MBD1: variants seen among roughly 807,000 people sequenced by gnomAD.
MBD1 encodes methyl-CpG binding domain protein 1.
A neutral mutation model predicts 82.6 loss-of-function variants in MBD1; 25 were observed. The ratio of observed to expected loss-of-function variants is 0.30; its 90% CI spans 0.22 to 0.42. The LOEUF (loss-of-function observed/expected upper bound fraction) is 0.42, where lower values mean the gene tolerates loss of function less well. Among genes scored for constraint, MBD1 ranks in the 10% least tolerant of loss-of-function variants. The pLI is 1.00. For synonymous variants in MBD1, 301 were observed against 303.7 expected, an observed-to-expected ratio of 0.99 and a Z score of 0.09; for missense variants, 627 against 819.6, an observed-to-expected ratio of 0.76 and a Z score of 2.87.
intron 2 of MBD1, among the ~76,000 whole-genome samples, chr18:50,278,704 G>A (rs769535362): frequency 1.3e-5 from 2 of 152,180 alleles, no homozygotes; most frequent in Non-Finnish European, 2.9e-5. Flanking sequence ...ACTCTCATTA[G>A]TTATGGTAGT....
intron 1 of MBD1, 44 bp downstream of exon 1, chr18:50,281,319 C>T: frequency 2.4e-6 from 3 of 1,231,560 alleles, no homozygotes; most frequent in Middle Eastern, 3.7e-4. Flanking sequence ...CCTTCCCATC[C>T]TCCGCCTGAG....
downstream of MBD1, chr18:50,267,250 C>A (rs2034035357): frequency 7.9e-6 from 2 of 253,074 alleles, no homozygotes; most frequent in Non-Finnish European, 1.6e-5. Flanking sequence ...AAATATCTTA[C>A]AGGGTTGATA....
At chr18:50,270,041 A>G in intron 16 of MBD1, 2 of 1,598,066 alleles carry the variant, frequency 1.3e-6, no homozygotes, top group Non-Finnish European at 1.7e-6. Flanking sequence ...TTTCATATAG[A>G]TCATTGTCAA....
chr18:50,268,738 G>T (rs1449785992), downstream of MBD1: 2 of 224,140 alleles, frequency 8.9e-6, no homozygotes, highest in Admixed American at 1.3e-4. Flanking sequence ...AGGGTCCTTG[G>T]AAAGAAGTGA....
rs775716951 is a variant in MBD1 at position 50,275,886 on chromosome 18, C to T, written c.612G>A (p.Ser204=). Residue 204 remains serine, a synonymous_variant, in exon 7 of 17, where the codon TCG becomes TCA. Coordinates refer to ENST00000269468, the MANE Select transcript of MBD1 (RefSeq NM_015846.4). ...TCCGTTCACACTTGCAGAACAGCCC[C>T]GATGCCACATCATGGGGCAGCTGCA... The part of the protein sequence containing the change: ...CLLQLPHDVA[S]GLFCKCERRR... 12 of 1,614,182 alleles carry T rather than the reference C, an allele frequency of 7.4e-6. No individual in the cohort carries two copies. Among genetic ancestry groups the T allele is most frequent in the East Asian group, 2.2e-5 (1 of 44,882 alleles).
chr18:50,279,842 C>A (rs2039524573), intron 2 of MBD1, 41 bp downstream of exon 2: 4 of 1,613,132 alleles, frequency 2.5e-6, no homozygotes, highest in South Asian at 1.1e-5. Context: ...CAGAATCAGG[C>A]TCTACCCCAC....
At chr18:50,272,613 A>AC in intron 15 of MBD1, 64 bp downstream of exon 15, 3 of 1,586,774 alleles carry the variant, frequency 1.9e-6, no homozygotes, top group Non-Finnish European at 2.6e-6. Context: ...TATACTTTCA[A>AC]AACTCAGGGC....
At chr18:50,279,755 A>G in intron 2 of MBD1, 128 bp downstream of exon 2, 1 of 1,263,592 alleles carries the variant, frequency 7.9e-7, no homozygotes, top group South Asian at 1.3e-5. Flanking sequence ...TCAAACATAA[A>G]ATCCGCTAAT....
intron 16 of MBD1, chr18:50,271,239 C>T: frequency 7.2e-7 from 1 of 1,389,338 alleles, no homozygotes; most frequent in Non-Finnish European, 9.3e-7. Flanking sequence ...AATCCAACTT[C>T]TTATACTCAG....
chr18:50,275,736 CG>C lies in MBD1; in HGVS notation c.664-9del, dbSNP rs536452089. 1.9e-6 allele frequency: 3 copies of C among 1,613,984 alleles called. No homozygotes were observed. Among genetic ancestry groups the C allele is most frequent in the Non-Finnish European group, 2.5e-6 (3 of 1,180,002 alleles). On this transcript the variant is annotated splice_polypyrimidine_tract_variant and intron_variant, in intron 7 of 16. Transcript: ENST00000269468. ...TACTCCACACCCTCGGCTCTGTTGG[CG>C]GGGGGCAGGTGGGAGCAGAGGCATG...
intron 6 of MBD1, 164 bp from the exon 7 acceptor site, chr18:50,276,145 T>A: frequency 2.2e-6 from 2 of 924,642 alleles, no homozygotes; most frequent in Non-Finnish European, 3.4e-6. Flanking sequence ...CTGAGGCCAT[T>A]AGTATGTCTA....
At position 50,275,644 on chromosome 18, in the gene MBD1, C is replaced by A. The variant is rs1366420659; in HGVS notation, c.748G>T (p.Gly250Cys). 6.2e-7 allele frequency: 1 copy of A among 1,614,082 alleles called. No homozygotes were observed. The highest frequency in any genetic ancestry group is 1.7e-5 in the Admixed American group (1 of 60,008). ...CPICLRPPRP[G>C]LRRQWKCVQR... ...ACACATTTCCACTGGCGCCTGAGAC[C>A]AGGGCGGGGAGGGCGAAGGCAGATG... The change falls in exon 8 of 17, where the codon GGT (glycine) becomes TGT (cysteine). Residue 250 changes from glycine to cysteine, a missense_variant. Gly to Cys is a radical substitution (Grantham distance 159, BLOSUM62 -3). Coordinates refer to ENST00000269468, the MANE Select transcript of MBD1 (RefSeq NM_015846.4).
chr18:50,275,649 C>T lies in MBD1; in HGVS notation c.743G>A (p.Arg248His), dbSNP rs376154307. The T allele has an allele frequency of 4.4e-5, 71 of 1,614,032 alleles. 1 individual carries two copies. Among genetic ancestry groups the T allele is most frequent in the Non-Finnish European group, 5.2e-5 (61 of 1,180,032 alleles). ...TTTCCACTGGCGCCTGAGACCAGGG[C>T]GGGGAGGGCGAAGGCAGATGGGGCA... ...GHCPICLRPP[R>H]PGLRRQWKCV... The change falls in exon 8 of 17, where the codon CGC becomes CAC. Residue 248 changes from arginine to histidine, a missense_variant. This residue lies in a region of MBD1 where 228 missense variants were observed against 318.1 expected (regional missense o/e 0.72). Coordinates refer to ENST00000269468, the MANE Select transcript of MBD1 (RefSeq NM_015846.4).
intron 13 of MBD1, 43 bp from the exon 14 acceptor site, chr18:50,272,998 TCA>T: frequency 6.2e-7 from 1 of 1,613,114 alleles, no homozygotes. Flanking sequence ...AGGGCAGAGT[TCA>T]CCTGAGGAAA....
rs1568171678 is a variant in MBD1, at chr18:50,269,114, CT to C, written c.*736del. 1.7e-5 allele frequency: 17 copies of C among 1,027,226 alleles called. No individual in the cohort carries two copies. Among genetic ancestry groups the C allele is most frequent in the Non-Finnish European group, 1.9e-5 (16 of 855,006 alleles). 63.6% of individuals were successfully genotyped at this position (1,027,226 alleles called of 1,614,324 possible). Reference sequence around the variant, plus strand: ...TGTATCCTAGTATTAAGTACAGTGCCTACCACAGGCCAGGTTCTCAATACTT... The same window carrying C: ...TGTATCCTAGTATTAAGTACAGTGCCACCACAGGCCAGGTTCTCAATACTT... On this transcript the variant is annotated 3_prime_UTR_variant, in exon 17 of 17. Coordinates refer to ENST00000269468, the MANE Select transcript of MBD1 (RefSeq NM_015846.4).
rs979211631 is a variant in MBD1 at position 50,269,073 on chromosome 18, G to A, written c.*778C>T. ...TGCATTTAATAAAATTGCATGGGCC[G>A]TATCTTTTGCATTTCTGTATCCTAG... On this transcript the variant is annotated 3_prime_UTR_variant, in exon 17 of 17. Coordinates refer to ENST00000269468, the MANE Select transcript of MBD1 (RefSeq NM_015846.4). 23 of 986,926 alleles carry A rather than the reference G, an allele frequency of 2.3e-5. No homozygotes were observed. Among genetic ancestry groups the A allele is most frequent in the African/African-American group, 1.0e-4 (6 of 57,316 alleles). The allele number at this position is 986,926 out of a possible 1,614,324, so 61.1% of individuals were successfully genotyped here.
chr18:50,280,978 T>C (rs2040024108), intron 1 of MBD1, among the ~76,000 whole-genome samples: 1 of 151,876 alleles, frequency 6.6e-6, no homozygotes, highest in South Asian at 2.1e-4. Context: ...GGGCCTCCTA[T>C]TCCTCCCTTT....
chr18:50,270,785 A>G (rs2035187865), intron 16 of MBD1: 1 of 177,248 alleles, frequency 5.6e-6, no homozygotes, highest in Non-Finnish European at 1.2e-5. Flanking sequence ...TATAGTAATT[A>G]TAGTAATCTG....
intron 16 of MBD1, chr18:50,270,753 G>C (rs902964945): frequency 2.1e-5 from 4 of 188,258 alleles, no homozygotes; most frequent in Non-Finnish European, 4.5e-5. Flanking sequence ...CCATGCTAGA[G>C]ACAGGAATGT....
Sources: allele counts gnomAD v4.1 joint callset (sites outside exome capture counted in the v4.1 genomes callset), GRCh38; gene constraint gnomAD v4.1.1; regional missense constraint gnomAD v4.1.1; transcripts MANE v1.5; gene names NCBI Gene and HGNC (gene_info 2026-07-23, HGNC 2026-07-21).